The following SEMA3A variants were observed in gnomAD, a reference collection of about 807,000 sequenced individuals.
SEMA3A encodes semaphorin-3A.
Under a neutral mutation model 97.9 loss-of-function variants are expected in SEMA3A, and 29 were observed. The observed-to-expected ratio is 0.30, with a 90% CI of 0.22 to 0.40. The LOEUF is 0.40. SEMA3A is among the 10% of genes least tolerant of loss of function. The pLI, the probability that SEMA3A is intolerant of heterozygous loss-of-function variation, is 1.00. For synonymous variants in SEMA3A, 321 were observed against 323.7 expected (o/e 0.99, Z 0.09); for missense variants, 763 against 951.3 (o/e 0.80, Z 2.60).
intron 1 of SEMA3A, among the ~76,000 whole-genome samples, chr7:84,413,287 C>G (rs1804326890): frequency 6.6e-6 from 1 of 151,942 alleles, no homozygotes; most frequent in South Asian, 2.1e-4. Flanking sequence ...TTTATAGGGT[C>G]CATTTTAAAT....
In SEMA3A at chr7:84,296,189, AT is replaced by A. The variant is rs997774343; in HGVS notation, c.-83+11017del. On this transcript the variant is annotated intron_variant, in intron 3 of 3. Transcript: ENST00000424555. Reference sequence around the variant, plus strand: ...TGGGATTAGTGTAAAATATGAACGTATTTTTTTTTGTGGTGGTGCTATTTAG... The same window carrying A: ...TGGGATTAGTGTAAAATATGAACGTATTTTTTTTGTGGTGGTGCTATTTAG... 1.2e-3 allele frequency among the ~76,000 whole-genome samples: 183 copies of A among 151,174 alleles called. 1 individual carries two copies. Among genetic ancestry groups the A allele is most frequent in the African/African-American group, 4.1e-3 (168 of 41,316 alleles).
At chr7:84,312,672 C>G (rs2115869691) in intron 2 of SEMA3A, among the ~76,000 whole-genome samples, 1 of 148,132 alleles carries the variant, frequency 6.8e-6, no homozygotes, top group East Asian at 2.0e-4. Flanking sequence ...TGTGCTTGTA[C>G]ACACACGCGT....
chr7:84,373,085 A>C (rs1016383848), intron 1 of SEMA3A, among the ~76,000 whole-genome samples: 3 of 152,160 alleles, frequency 2.0e-5, no homozygotes, highest in Non-Finnish European at 4.4e-5. Context: ...CTGGTTTCAA[A>C]AGAATGATGA....
At chr7:83,976,156 G>A (rs1789141844) in intron 15 of SEMA3A, among the ~76,000 whole-genome samples, 1 of 152,074 alleles carries the variant, frequency 6.6e-6, no homozygotes, top group African/African-American at 2.4e-5. Context: ...ATGCCAAAGG[G>A]GGATCTGAAT....
At chr7:84,114,645 C>T (rs6974494) in intron 3 of SEMA3A, among the ~76,000 whole-genome samples, 110,153 of 151,976 alleles carry the variant, frequency 0.72, 40,390 homozygotes, top group East Asian at 0.91. Context: ...GTCAATTTAT[C>T]TGGCAAGCTA....
intron 3 of SEMA3A, among the ~76,000 whole-genome samples, chr7:84,224,358 T>C (rs1798942894): frequency 6.6e-6 from 1 of 152,038 alleles, no homozygotes; most frequent in African/African-American, 2.4e-5. Flanking sequence ...TATTACAGTG[T>C]TAATTGTGTT....
chr7:84,061,649 G>A (rs768137527), intron 4 of SEMA3A, among the ~76,000 whole-genome samples: 37 of 151,994 alleles, frequency 2.4e-4, no homozygotes, highest in Admixed American at 9.2e-4. Context: ...ATGATCAGTA[G>A]GGATCATTTT....
intron 12 of SEMA3A, among the ~76,000 whole-genome samples, chr7:83,990,945 C>T (rs1034841920): frequency 6.6e-5 from 10 of 152,066 alleles, no homozygotes; most frequent in African/African-American, 1.9e-4. Context: ...TTCTTCCTAC[C>T]CATGAGCATG....
intron 2 of SEMA3A, among the ~76,000 whole-genome samples, chr7:84,347,659 C>T (rs1387573081): frequency 1.3e-5 from 2 of 152,124 alleles, no homozygotes; most frequent in African/African-American, 2.4e-5. Flanking sequence ...ATCCGCCCAC[C>T]TCAGCCTCCC....
At chr7:84,112,361 G>A (rs899872049) in intron 3 of SEMA3A, among the ~76,000 whole-genome samples, 1 of 152,112 alleles carries the variant, frequency 6.6e-6, no homozygotes, top group East Asian at 1.9e-4. Context: ...AGACCCAGAT[G>A]GATGTCTTTT....
At chr7:84,063,102 T>TCCCTGAC (rs945533397) in intron 4 of SEMA3A, among the ~76,000 whole-genome samples, 3 of 151,846 alleles carry the variant, frequency 2.0e-5, no homozygotes, top group Non-Finnish European at 2.9e-5. Context: ...CTCAAGTGGG[T>TCCCTGAC]CCCTGACCCC....
In SEMA3A at chr7:84,007,466, A is replaced by G. The variant is rs777142419; in HGVS notation, c.1027T>C (p.Tyr343His). ...NIFKGSAVCM[Y>H]SMSDVRRVFL... ...ACCCTTCTCACATCACTCATGCTAT[A>G]CATACACACGGCTGATCCCTTGAAA... Residue 343 changes from tyrosine (Y) to histidine (H), a missense_variant, in exon 10 of 17, where the codon TAT becomes CAT. Tyr to His is a moderately conservative substitution (Grantham distance 83). Transcript: ENST00000265362. The G allele has an allele frequency of 6.3e-7, 1 of 1,597,386 alleles. No individual in the cohort carries two copies. Among genetic ancestry groups the G allele is most frequent in the Admixed American group, 1.7e-5 (1 of 57,800 alleles).
At chr7:84,016,541 AAAAAAAAAAAG>A (rs1223382223) in intron 6 of SEMA3A, among the ~76,000 whole-genome samples, 1 of 151,376 alleles carries the variant, frequency 6.6e-6, no homozygotes, top group East Asian at 1.9e-4. Flanking sequence ...CTGTCTCAAA[AAAAAAAAAAAG>A]AAAAAAAAAG....
intron 3 of SEMA3A, among the ~76,000 whole-genome samples, chr7:84,299,683 T>C (rs529904730): frequency 6.6e-6 from 1 of 151,622 alleles, no homozygotes; most frequent in East Asian, 1.9e-4. Flanking sequence ...TAAAGAGAAC[T>C]TGGAGGAAAT....
At chr7:84,450,242 TTC>T (rs1441518458) in intron 1 of SEMA3A, among the ~76,000 whole-genome samples, 5 of 151,308 alleles carry the variant, frequency 3.3e-5, no homozygotes, top group Admixed American at 1.3e-4. Flanking sequence ...ACTTCTCTCT[TTC>T]TCTCTCTCTC....
chr7:84,485,517 A>G (rs1806552134), intron 1 of SEMA3A, among the ~76,000 whole-genome samples: 1 of 152,000 alleles, frequency 6.6e-6, no homozygotes, highest in Non-Finnish European at 1.5e-5. Flanking sequence ...CTGGGACTAC[A>G]GGCCCACACA....
intron 3 of SEMA3A, among the ~76,000 whole-genome samples, chr7:84,305,930 A>C (rs1181254055): frequency 6.6e-6 from 1 of 151,626 alleles, no homozygotes; most frequent in Admixed American, 6.6e-5. Context: ...ATATATGTAT[A>C]TATACATGTA....
At chr7:84,066,827 G>C (rs182341906) in intron 4 of SEMA3A, among the ~76,000 whole-genome samples, 7,644 of 152,094 alleles carry the variant, frequency 0.05, 293 homozygotes, top group East Asian at 0.19. Flanking sequence ...AATCAATATC[G>C]TGAAAATGGC....
chr7:84,024,624 A>G (rs1234268604), intron 6 of SEMA3A, among the ~76,000 whole-genome samples: 2 of 152,310 alleles, frequency 1.3e-5, no homozygotes, highest in Non-Finnish European at 2.9e-5. Context: ...ATCAGAAAGT[A>G]CATATCTTTG....
Sources: gnomAD v4.1 joint callset for allele counts (sites outside exome capture counted in the v4.1 genomes callset) on GRCh38, gnomAD v4.1.1 for gene constraint, MANE v1.5 for transcripts, NCBI Gene and HGNC (gene_info 2026-07-23, HGNC 2026-07-21) for gene names.